ACVR1: variants seen among roughly 807,000 people sequenced by gnomAD.
The protein encoded by ACVR1 is activin receptor type-1.
ACVR1 carries 38 observed loss-of-function variants against 57.1 expected under a neutral mutation model. The ratio of observed to expected loss-of-function variants is 0.67; its 90% CI spans 0.51 to 0.87. The LOEUF (loss-of-function observed/expected upper bound fraction) is 0.87, where lower values mean the gene tolerates loss of function less well. ACVR1 is among the 40% of genes least tolerant of loss of function. ACVR1 has a pLI of 0.00. For missense variants in ACVR1, 463 were observed against 638.2 expected (o/e 0.73, Z 2.96); for synonymous variants, 212 against 228.1 (o/e 0.93, Z 0.63).
chr2:157,806,213 T>C lies in ACVR1; in HGVS notation c.-7-6713A>G, dbSNP rs143780803. On this transcript the variant is annotated intron_variant, in intron 2 of 10. Coordinates refer to ENST00000434821, the MANE Select transcript of ACVR1 (RefSeq NM_001111067.4). ...CCTCTTAAAGAACAACCTTTACTCA[T>C]GGTTATTTAATACACCATTCAATCA... 1.3e-3 allele frequency among the ~76,000 whole-genome samples: 198 copies of C among 152,312 alleles called. 1 individual carries two copies. The highest frequency in any genetic ancestry group is 4.6e-3 in the African/African-American group (193 of 41,576).
At chr2:157,865,078 T>C (rs1689865782) in intron 1 of ACVR1, among the ~76,000 whole-genome samples, 1 of 146,772 alleles carries the variant, frequency 6.8e-6, no homozygotes, top group Admixed American at 6.9e-5. Flanking sequence ...CAGAGTTCTT[T>C]ATAGACTCAA....
chr2:157,801,313 C>T (rs1336259737), intron 2 of ACVR1, among the ~76,000 whole-genome samples: 2 of 152,042 alleles, frequency 1.3e-5, no homozygotes, highest in Non-Finnish European at 2.9e-5. Context: ...TTCTGAAGGT[C>T]CGTTCAAGTG....
intron 3 of ACVR1, among the ~76,000 whole-genome samples, chr2:157,786,628 T>C (rs985486874): frequency 3.3e-5 from 5 of 152,182 alleles, no homozygotes; most frequent in Admixed American, 3.3e-4. Flanking sequence ...TGCTTGTTAA[T>C]TTGTTAAAAG....
At chr2:157,760,767 C>T in intron 9 of ACVR1, 113 bp downstream of exon 9, 1 of 1,069,362 alleles carries the variant, frequency 9.4e-7, no homozygotes, top group Non-Finnish European at 1.4e-6. Context: ...TATAACTCGA[C>T]ACGTACGATT....
At chr2:157,796,338 G>A (rs1333671473) in intron 3 of ACVR1, among the ~76,000 whole-genome samples, 1 of 152,040 alleles carries the variant, frequency 6.6e-6, no homozygotes, top group Non-Finnish European at 1.5e-5. Context: ...GATCACTTGA[G>A]CTCAGGAGTC....
chr2:157,874,810 A>G (rs545048873), intron 1 of ACVR1: 6 of 152,152 alleles, frequency 3.9e-5, no homozygotes, highest in Non-Finnish European at 7.3e-5. Flanking sequence ...CTTATCATAC[A>G]TCCCTCAAAA....
chr2:157,775,658 G>A (rs1196807062), intron 5 of ACVR1, among the ~76,000 whole-genome samples: 1 of 151,700 alleles, frequency 6.6e-6, no homozygotes, highest in Non-Finnish European at 1.5e-5. Context: ...ATGAAGCAGA[G>A]TTTCATATCT....
chr2:157,836,997 G>A (rs950038596), intron 1 of ACVR1, among the ~76,000 whole-genome samples: 4 of 152,184 alleles, frequency 2.6e-5, no homozygotes, highest in Non-Finnish European at 2.9e-5. Context: ...AGACTTTGCA[G>A]CCTTGAGTAA....
chr2:157,798,266 T>C (rs1321047444), intron 3 of ACVR1, among the ~76,000 whole-genome samples: 2 of 151,894 alleles, frequency 1.3e-5, no homozygotes, highest in Middle Eastern at 3.2e-3. Flanking sequence ...ATATAACTAG[T>C]ATATAAATCA....
chr2:157,747,616 A>C lies in ACVR1; in HGVS notation c.1265-9046T>G, dbSNP rs143645359. Among the ~76,000 whole-genome samples, 296 of 152,384 alleles carry C rather than the reference A, an allele frequency of 1.9e-3. 3 individuals are homozygous for C. Among genetic ancestry groups the C allele is most frequent in the African/African-American group, 6.8e-3 (281 of 41,598 alleles). Reference sequence around the variant, plus strand: ...AGTAGAAAAAGATGTGAATGTTAAAATTTGAAGGCACAATTTCTCCTACTC... The same window carrying C: ...AGTAGAAAAAGATGTGAATGTTAAACTTTGAAGGCACAATTTCTCCTACTC... On this transcript the variant is annotated intron_variant, in intron 9 of 10. Coordinates refer to ENST00000434821, the MANE Select transcript of ACVR1 (RefSeq NM_001111067.4).
At chr2:157,748,629 A>AT (rs1003849366) in intron 9 of ACVR1, among the ~76,000 whole-genome samples, 2 of 151,226 alleles carry the variant, frequency 1.3e-5, no homozygotes, top group African/African-American at 2.5e-5. Context: ...TCATGATTCC[A>AT]TTAAAAAAAA....
intron 9 of ACVR1, among the ~76,000 whole-genome samples, chr2:157,744,374 T>C (rs1489040913): frequency 6.6e-6 from 1 of 152,232 alleles, no homozygotes; most frequent in African/African-American, 2.4e-5. Context: ...AGTGTTTCCT[T>C]CAGGTGTGGC....
chr2:157,866,036 T>C (rs1689919233), intron 1 of ACVR1, among the ~76,000 whole-genome samples: 1 of 152,174 alleles, frequency 6.6e-6, no homozygotes, highest in Non-Finnish European at 1.5e-5. Context: ...ATTCCTGTCA[T>C]AATATGACTA....
intron 9 of ACVR1, among the ~76,000 whole-genome samples, chr2:157,754,852 C>T (rs907204787): frequency 1.3e-5 from 2 of 151,890 alleles, no homozygotes; most frequent in Non-Finnish European, 2.9e-5. Context: ...TAGATGCAAA[C>T]ATCCTTAACA....
At chr2:157,762,354 TTAAAC>T (rs1461077431) in intron 8 of ACVR1, among the ~76,000 whole-genome samples, 2 of 152,336 alleles carry the variant, frequency 1.3e-5, no homozygotes, top group Non-Finnish European at 2.9e-5. Context: ...AATCTATAAA[TTAAAC>T]TATAATAGGT....
At position 157,805,820 on chromosome 2, in the gene ACVR1, C is replaced by CTTTT. The variant is rs1222482675; in HGVS notation, c.-7-6324_-7-6321dup. On this transcript the variant is annotated intron_variant, in intron 2 of 10. Coordinates refer to ENST00000434821, the MANE Select transcript of ACVR1 (RefSeq NM_001111067.4). ...TGTTTGGGTTTTTTTTTTCTTTTTT[C>CTTTT]TTTTTTTTTTTTTTTTTTTTTGAGA... Among the ~76,000 whole-genome samples the CTTTT allele has an allele frequency of 4.3e-4, 13 of 30,180 alleles. 1 individual carries two copies. The highest frequency in any genetic ancestry group is 6.4e-4 in the African/African-American group (12 of 18,660). 19.8% of individuals were successfully genotyped at this position (30,180 alleles called of 152,430 possible). A position where few individuals can be genotyped will look rare whatever the true frequency, so the allele number is the denominator to read the frequency against.
At chr2:157,761,905 G>C (rs984256500) in intron 8 of ACVR1, among the ~76,000 whole-genome samples, 1 of 152,160 alleles carries the variant, frequency 6.6e-6, no homozygotes, top group Non-Finnish European at 1.5e-5. Flanking sequence ...AGCAGTCCCT[G>C]TAAACCACTG....
intron 2 of ACVR1, among the ~76,000 whole-genome samples, chr2:157,812,496 C>T (rs1432022243): frequency 6.6e-6 from 1 of 151,418 alleles, no homozygotes. Flanking sequence ...ATGGTGATCA[C>T]AAAAAAAATT....
intron 3 of ACVR1, among the ~76,000 whole-genome samples, chr2:157,785,657 T>A (rs950188592): frequency 6.6e-6 from 1 of 152,076 alleles, no homozygotes. Flanking sequence ...ACTCAAATCA[T>A]TTTTTTTCCT....
Sources: allele counts gnomAD v4.1 joint callset (sites outside exome capture counted in the v4.1 genomes callset), GRCh38; gene constraint gnomAD v4.1.1; transcripts MANE v1.5; gene names NCBI Gene and HGNC (gene_info 2026-07-23, HGNC 2026-07-21).